The following CDH12 variants were observed in gnomAD, a reference collection of about 807,000 sequenced individuals.
CDH12 encodes the protein cadherin 12.
Under a neutral mutation model 74.1 loss-of-function variants are expected in CDH12, and 41 were observed. That is an observed-to-expected ratio of 0.55 (90% CI 0.43 to 0.72). The LOEUF is 0.72. CDH12 is among the 30% of genes least tolerant of loss of function. CDH12 has a pLI of 0.00. For synonymous variants in CDH12, 399 were observed against 355.0 expected (o/e 1.12, Z -1.39); for missense variants, 945 against 977.2 (o/e 0.97, Z 0.44).
chr5:22,632,303 A>T (rs1003348882), intron 1 of CDH12, among the ~76,000 whole-genome samples: 4 of 152,192 alleles, frequency 2.6e-5, no homozygotes, highest in Non-Finnish European at 5.9e-5. Flanking sequence ...TTTATAAGTT[A>T]CCCAGTCTCA....
At chr5:22,435,608 AGAT>A (rs1248003071) in intron 2 of CDH12, among the ~76,000 whole-genome samples, 1 of 151,944 alleles carries the variant, frequency 6.6e-6, no homozygotes, top group Non-Finnish European at 1.5e-5. Context: ...TTTAAAACAA[AGAT>A]GATAATAGCC....
At chr5:22,300,335 C>T (rs1448083736) in intron 3 of CDH12, among the ~76,000 whole-genome samples, 1 of 152,156 alleles carries the variant, frequency 6.6e-6, no homozygotes, top group Non-Finnish European at 1.5e-5. Flanking sequence ...CTGTGTAAAA[C>T]TTCTAACTGG....
chr5:22,763,806 TCAC>T (rs1746355838), intron 1 of CDH12, among the ~76,000 whole-genome samples: 1 of 151,974 alleles, frequency 6.6e-6, no homozygotes, highest in Non-Finnish European at 1.5e-5. Context: ...CTGCATTTAT[TCAC>T]CAAATGAAAT....
chr5:22,462,274 T>C (rs1745554088), intron 2 of CDH12, among the ~76,000 whole-genome samples: 1 of 152,170 alleles, frequency 6.6e-6, no homozygotes, highest in South Asian at 2.1e-4. Flanking sequence ...TAAAGCCATA[T>C]ATATGATAGA....
At chr5:22,392,103 C>T (rs2126421229) in intron 3 of CDH12, among the ~76,000 whole-genome samples, 1 of 152,234 alleles carries the variant, frequency 6.6e-6, no homozygotes, top group South Asian at 2.1e-4. Context: ...CCTGTCCTAC[C>T]CCTTCCTTTG....
At chr5:22,343,527 C>G (rs1165206242) in intron 3 of CDH12, among the ~76,000 whole-genome samples, 1 of 152,034 alleles carries the variant, frequency 6.6e-6, no homozygotes, top group Non-Finnish European at 1.5e-5. Context: ...ATGCCATTCT[C>G]CTGCCTCAGC....
At chr5:22,627,125 A>C (rs529942453) in intron 1 of CDH12, among the ~76,000 whole-genome samples, 6 of 152,252 alleles carry the variant, frequency 3.9e-5, no homozygotes, top group Admixed American at 2.6e-4. Flanking sequence ...TGGTATCCCT[A>C]AAAGAGAGGG....
intron 5 of CDH12, among the ~76,000 whole-genome samples, chr5:21,988,005 T>C (rs1291712713): frequency 6.6e-6 from 1 of 152,038 alleles, no homozygotes; most frequent in Non-Finnish European, 1.5e-5. Flanking sequence ...AAATACACCA[T>C]ACAGGGGAAT....
chr5:22,048,732 C>T (rs754661444), intron 5 of CDH12, among the ~76,000 whole-genome samples: 5 of 152,076 alleles, frequency 3.3e-5, no homozygotes, highest in Non-Finnish European at 7.4e-5. Context: ...ATGCAAAGAA[C>T]ATGGCAAACA....
Position 22,543,855 on chromosome 5 carries a change from A to T in CDH12, c.-522-38491T>A, listed in dbSNP as rs573017891. 4.6e-5 allele frequency among the ~76,000 whole-genome samples: 7 copies of T among 152,096 alleles called. No homozygotes were observed. In the East Asian group the frequency reaches 1.4e-3, roughly 29 times the overall value. ...TACTTTCAAACATATTTCACACTAC[A>T]TGTCCATTTTTTAGAAAAATAAAAC... is the stretch of plus-strand genomic sequence containing the variant. On this transcript the variant is annotated intron_variant, in intron 1 of 14. Transcript: ENST00000382254.
chr5:22,154,441 A>ATACACATATATATG (rs1197224217), intron 4 of CDH12, among the ~76,000 whole-genome samples: 69 of 81,676 alleles, frequency 8.4e-4, no homozygotes, highest in African/African-American at 3.0e-3. Context: ...TAGTGAATAT[A>ATACACATATATATG]TACACATATA....
intron 5 of CDH12, among the ~76,000 whole-genome samples, chr5:22,043,812 C>T (rs1009866023): frequency 1.3e-5 from 2 of 151,740 alleles, no homozygotes; most frequent in African/African-American, 4.8e-5. Context: ...AGTTAACTAC[C>T]TAAAAAATAT....
intron 14 of CDH12, among the ~76,000 whole-genome samples, 175 bp from the exon 15 acceptor site, chr5:21,752,411 G>A (rs1296525669): frequency 6.6e-6 from 1 of 152,100 alleles, no homozygotes; most frequent in Non-Finnish European, 1.5e-5. Context: ...TTTTGAAATT[G>A]TTAACTAACA....
At chr5:22,353,794 C>T (rs1335526808) in intron 3 of CDH12, among the ~76,000 whole-genome samples, 1 of 152,094 alleles carries the variant, frequency 6.6e-6, no homozygotes, top group Non-Finnish European at 1.5e-5. Flanking sequence ...CAAAGATACA[C>T]TAAGATCAAC....
chr5:22,002,371 G>A (rs1462424216), intron 5 of CDH12, among the ~76,000 whole-genome samples: 1 of 151,838 alleles, frequency 6.6e-6, no homozygotes, highest in Non-Finnish European at 1.5e-5. Flanking sequence ...TACAAATCAG[G>A]TAACTGTTCT....
intron 3 of CDH12, among the ~76,000 whole-genome samples, chr5:22,271,764 C>T (rs891834393): frequency 4.0e-5 from 6 of 151,462 alleles, no homozygotes; most frequent in Admixed American, 6.6e-5. Flanking sequence ...GGTACATTGT[C>T]AATGAGCAGT....
intron 3 of CDH12, among the ~76,000 whole-genome samples, chr5:22,301,305 G>C (rs1737869603): frequency 6.6e-6 from 1 of 152,082 alleles, no homozygotes; most frequent in South Asian, 2.1e-4. Flanking sequence ...ATAGTTGTCA[G>C]GGGCACACTA....
Position 22,247,391 on chromosome 5 carries a change from T to C in CDH12, c.-332-34748A>G, listed in dbSNP as rs562048966. On this transcript the variant is annotated intron_variant, in intron 3 of 14. Coordinates refer to ENST00000382254, the MANE Select transcript of CDH12 (RefSeq NM_004061.5). ...TTTACATGGGATTAAAGAAAACTAT[T>C]TGGGGCTGGACCCAGTGGCTCATGC... is the stretch of plus-strand genomic sequence containing the variant. Among the ~76,000 whole-genome samples, 76 of 152,228 alleles carry C rather than the reference T, an allele frequency of 5.0e-4. 1 individual carries two copies. The South Asian group carries it at 0.015, about 29-fold the overall frequency.
chr5:22,809,952 A>T (rs1389621668), intron 1 of CDH12, among the ~76,000 whole-genome samples: 1 of 152,176 alleles, frequency 6.6e-6, no homozygotes, highest in East Asian at 1.9e-4. Flanking sequence ...ATCCTAGCTT[A>T]AACTTTACAC....
Sources: allele counts gnomAD v4.1 joint callset (sites outside exome capture counted in the v4.1 genomes callset), GRCh38; gene constraint gnomAD v4.1.1; transcripts MANE v1.5; gene names NCBI Gene and HGNC (gene_info 2026-07-23, HGNC 2026-07-21).